Variants in CTNNBIP1 observed in about 807,000 individuals in gnomAD.
The protein encoded by CTNNBIP1 is beta-catenin-interacting protein 1.
CTNNBIP1 carries 7 observed loss-of-function variants against 11.8 expected under a neutral mutation model. That is an observed-to-expected ratio of 0.60 (90% CI 0.34 to 1.12). CTNNBIP1 has a LOEUF of 1.12. Among genes scored for constraint, CTNNBIP1 ranks in the 50% most tolerant of loss-of-function variants. The pLI, the probability that CTNNBIP1 is intolerant of heterozygous loss-of-function variation, is 0.03. For synonymous variants in CTNNBIP1, 58 were observed against 43.9 expected (o/e 1.32, Z -1.26); for missense variants, 101 against 113.4 (o/e 0.89, Z 0.50).
chr1:9,857,528 G>A (rs369862083), intron 5 of CTNNBIP1, among the ~76,000 whole-genome samples: 10 of 150,360 alleles, frequency 6.7e-5, no homozygotes, highest in Admixed American at 4.6e-4. Context: ...AGTGGCTCAC[G>A]CCTGTAATCT....
chr1:9,872,148 T>C lies in CTNNBIP1; in HGVS notation c.-24-60A>G. ...ATCAGGATGTGACATACTGGGACAA[T>C]GACACCTGCTAGTGACCCTCACTCC... On this transcript the variant is annotated intron_variant, in intron 3 of 5. Transcript: ENST00000377263. This position sits in a 1 kb window ranked among gnomAD's most constrained non-coding sequence, Gnocchi z 4.0. The C allele has an allele frequency of 9.9e-7, 1 of 1,014,672 alleles. No homozygotes were observed. Among genetic ancestry groups the C allele is most frequent in the Admixed American group, 1.8e-5 (1 of 54,608 alleles). The allele number at this position is 1,014,672 out of a possible 1,614,324, so 62.9% of individuals were successfully genotyped here. A position where few individuals can be genotyped will look rare whatever the true frequency, so the allele number is the denominator to read the frequency against.
At position 9,850,085 on chromosome 1, in the gene CTNNBIP1, CCAAT is replaced by C. The variant is rs1201293879; in HGVS notation, c.*629_*632del. The C allele has an allele frequency of 6.6e-6, 1 of 152,636 alleles. No individual in the cohort carries two copies. The highest frequency in any genetic ancestry group is 1.5e-5 in the Non-Finnish European group (1 of 68,070). The allele number at this position is 152,636 out of a possible 1,614,324, so 9.5% of individuals were successfully genotyped here. On this transcript the variant is annotated 3_prime_UTR_variant, in exon 6 of 6. Transcript: ENST00000377263. The stretch of plus-strand genomic sequence containing the variant: ...GGAAACCAAACACACGCATCGAAAG[CCAAT>C]CAAACACAAACCCCAAATGTGAAGG...
intron 1 of CTNNBIP1, among the ~76,000 whole-genome samples, chr1:9,908,821 A>G (rs1639672860): frequency 1.3e-5 from 2 of 152,186 alleles, no homozygotes; most frequent in Admixed American, 6.5e-5. Context: ...TGTCTTCACC[A>G]CTAAAGCCCC....
intron 1 of CTNNBIP1, among the ~76,000 whole-genome samples, chr1:9,899,811 C>T (rs564834193): frequency 3.3e-5 from 5 of 152,004 alleles, no homozygotes; most frequent in Non-Finnish European, 5.9e-5. Context: ...TGGTGGCTCA[C>T]GCCTGTAATC....
chr1:9,857,364 C>T (rs1352311913), intron 5 of CTNNBIP1, among the ~76,000 whole-genome samples: 4 of 150,330 alleles, frequency 2.7e-5, no homozygotes, highest in South Asian at 2.1e-4. Flanking sequence ...CCTGTAGTCC[C>T]GGGAGGGACT....
chr1:9,905,577 C>T (rs944891800), intron 1 of CTNNBIP1, among the ~76,000 whole-genome samples: 1 of 152,038 alleles, frequency 6.6e-6, no homozygotes, highest in African/African-American at 2.4e-5. Flanking sequence ...CGCCCGCCCC[C>T]ATGCCCGGCT....
At chr1:9,873,813 C>T (rs561103981) in intron 3 of CTNNBIP1, among the ~76,000 whole-genome samples, 1 of 152,328 alleles carries the variant, frequency 6.6e-6, no homozygotes, top group South Asian at 2.1e-4. Context: ...TAGCTCACTG[C>T]TGCCTCAACC....
intron 2 of CTNNBIP1, among the ~76,000 whole-genome samples, chr1:9,880,861 A>T (rs1639067530): frequency 6.6e-6 from 1 of 152,068 alleles, no homozygotes; most frequent in Non-Finnish European, 1.5e-5. Flanking sequence ...TCTTCTGTGC[A>T]CTTCATTTCA....
chr1:9,880,095 A>G (rs554206799), intron 2 of CTNNBIP1, among the ~76,000 whole-genome samples: 17 of 152,234 alleles, frequency 1.1e-4, no homozygotes, highest in African/African-American at 4.1e-4. Flanking sequence ...ATTCGCATGC[A>G]TTAGGTATTT....
chr1:9,885,174 G>A (rs566984321), intron 1 of CTNNBIP1, among the ~76,000 whole-genome samples: 2 of 152,320 alleles, frequency 1.3e-5, no homozygotes, highest in East Asian at 3.9e-4. Flanking sequence ...TCGTGGCACA[G>A]GCAGACAACA....
chr1:9,860,595 C>T lies in CTNNBIP1; in HGVS notation c.188-9819G>A, dbSNP rs1638605712. Among the ~76,000 whole-genome samples the T allele has an allele frequency of 2.3e-5, 3 of 131,004 alleles. No homozygotes were observed. The Admixed American group carries it at 2.4e-4, about 11-fold the overall frequency. The allele number at this position is 131,004 out of a possible 152,430, so 85.9% of individuals were successfully genotyped here. On this transcript the variant is annotated intron_variant, in intron 5 of 5. Transcript: ENST00000377263. ...ACTGCATTCTGCATTCTGGCATGGG[C>T]AACAGAGCAAGACTTCATCTCTCAA...
At chr1:9,856,513 CTTTT>C (rs149518763) in intron 5 of CTNNBIP1, among the ~76,000 whole-genome samples, 6 of 129,580 alleles carry the variant, frequency 4.6e-5, no homozygotes, top group African/African-American at 8.7e-5. Context: ...GTAAAAAATT[CTTTT>C]TTTTTTTTTT....
At chr1:9,863,089 C>A (rs1296793337) in intron 5 of CTNNBIP1, among the ~76,000 whole-genome samples, 1 of 152,030 alleles carries the variant, frequency 6.6e-6, no homozygotes, top group Non-Finnish European at 1.5e-5. Context: ...CAGCCAGGTG[C>A]TGAGTAAGCA....
chr1:9,875,563 G>A (rs1254839043), intron 3 of CTNNBIP1, among the ~76,000 whole-genome samples: 1 of 152,250 alleles, frequency 6.6e-6, no homozygotes, highest in East Asian at 1.9e-4. Flanking sequence ...CTGTGGGCCT[G>A]CGGTGTCGTC....
At chr1:9,909,354 C>A (rs915869492) in intron 1 of CTNNBIP1, among the ~76,000 whole-genome samples, 1 of 152,234 alleles carries the variant, frequency 6.6e-6, no homozygotes, top group East Asian at 1.9e-4. Flanking sequence ...TTGCGGCCAA[C>A]ACGGCCCCCG....
chr1:9,895,858 C>T (rs547195834), intron 1 of CTNNBIP1, among the ~76,000 whole-genome samples: 2 of 152,096 alleles, frequency 1.3e-5, no homozygotes, highest in East Asian at 3.9e-4. Flanking sequence ...GAACTCCTGG[C>T]CTCAAGCAAT....
chr1:9,856,874 A>ACTTTGTCT (rs1638512909), intron 5 of CTNNBIP1, among the ~76,000 whole-genome samples: 1 of 151,794 alleles, frequency 6.6e-6, no homozygotes, highest in Non-Finnish European at 1.5e-5. Context: ...CTGTAATTCC[A>ACTTTGTCT]GCATTTTGAG....
intron 1 of CTNNBIP1, among the ~76,000 whole-genome samples, chr1:9,885,195 T>C (rs900753989): frequency 1.3e-5 from 2 of 152,058 alleles, no homozygotes; most frequent in Non-Finnish European, 2.9e-5. Flanking sequence ...GGGAGCGCAC[T>C]GTGGGATGTG....
intron 5 of CTNNBIP1, among the ~76,000 whole-genome samples, chr1:9,864,015 C>T (rs1339315135): frequency 3.3e-5 from 5 of 152,256 alleles, no homozygotes; most frequent in African/African-American, 1.2e-4. Context: ...ACCCTCAAGC[C>T]AACTGACCTA....
Sources: allele counts gnomAD v4.1 joint callset (sites outside exome capture counted in the v4.1 genomes callset), GRCh38; gene constraint gnomAD v4.1.1; non-coding constraint Gnocchi (gnomAD v3.1); transcripts MANE v1.5; gene names NCBI Gene and HGNC (gene_info 2026-07-23, HGNC 2026-07-21).